The following FBXO44 variants were observed in gnomAD, a reference collection of about 807,000 sequenced individuals.
FBXO44 encodes the protein F-box only protein 44.
In FBXO44, 25 loss-of-function variants were observed where a neutral mutation model predicts 33.5. That is an observed-to-expected ratio of 0.75 (90% CI 0.54 to 1.04). The LOEUF is 1.04. Ranked by LOEUF, FBXO44 falls within the 50% of genes least tolerant of loss-of-function variation. The pLI, the probability that FBXO44 is intolerant of heterozygous loss-of-function variation, is 0.00. For missense variants in FBXO44, 311 were observed against 344.0 expected (o/e 0.90, Z 0.76); for synonymous variants, 147 against 152.8 (o/e 0.96, Z 0.28).
intron 3 of FBXO44, 54 bp from the exon 4 acceptor site, chr1:11,658,479 C>G: frequency 6.2e-7 from 1 of 1,609,174 alleles, no homozygotes; most frequent in Non-Finnish European, 8.5e-7. Flanking sequence ...AGTCCTAGCC[C>G]CTCACTGCCC....
chr1:11,654,498 C>T (rs1570227168), upstream of FBXO44: 2 of 597,294 alleles, frequency 3.3e-6, no homozygotes, highest in East Asian at 7.4e-5. Flanking sequence ...CCTCTGGCCC[C>T]GCGCCCGGCC....
At position 11,658,313 on chromosome 1, in the gene FBXO44, G is replaced by A; in HGVS notation, c.312G>A (p.Trp104Ter). 1 of 1,613,342 alleles carries A rather than the reference G, an allele frequency of 6.2e-7. No homozygotes were observed. The highest frequency in any genetic ancestry group is 8.5e-7 in the Non-Finnish European group (1 of 1,179,810). ...TGGATGTGAATGGAGGCGATGAGTGGAAGGTGGAGGATCTCTCTCGAGACC... is the reference window on the plus strand; with the variant it reads ...TGGATGTGAATGGAGGCGATGAGTGAAAGGTGGAGGATCTCTCTCGAGACC... The part of the protein sequence containing the change: ...WSLDVNGGDE[W>*]KVEDLSRDQR... Residue 104 changes from tryptophan (W) to a stop codon, truncating the protein, a stop_gained, in exon 3 of 6, where the codon TGG becomes TGA. Coordinates refer to ENST00000251547, the MANE Select transcript of FBXO44 (RefSeq NM_033182.7). LOFTEE classifies it high-confidence loss of function.
In FBXO44 at chr1:11,658,633, GTGCCTGGGGCGAGGGTCTGGGGTGGGGCA is replaced by G; in HGVS notation, c.488+10_488+38del. 6.2e-7 allele frequency: 1 copy of G among 1,613,292 alleles called. No homozygotes were observed. The highest frequency in any genetic ancestry group is 1.7e-5 in the Admixed American group (1 of 59,984). ...GGACATCGAGGTCAAGGACTGGTGAGTGCCTGGGGCGAGGGTCTGGGGTGGGGCATGCCAATCAGGCGCCCCACCCCCGC... is the reference window on the plus strand; with the variant it reads ...GGACATCGAGGTCAAGGACTGGTGAGTGCCAATCAGGCGCCCCACCCCCGC... On this transcript the variant is annotated splice_donor_region_variant and intron_variant, in intron 4 of 5. Transcript: ENST00000251547.
chr1:11,659,701 G>A (rs929623990), intron 5 of FBXO44, among the ~76,000 whole-genome samples: 2 of 152,020 alleles, frequency 1.3e-5, no homozygotes, highest in Non-Finnish European at 2.9e-5. Context: ...TTGCTTTGTT[G>A]CCCAGGCTGG....
intron 2 of FBXO44, among the ~76,000 whole-genome samples, chr1:11,657,676 G>A (rs1639896935): frequency 6.6e-6 from 1 of 152,178 alleles, no homozygotes; most frequent in African/African-American, 2.4e-5. Flanking sequence ...AGGAGGCAGA[G>A]GTTACAGTGA....
At chr1:11,659,571 C>G (rs1279615731) in intron 5 of FBXO44, among the ~76,000 whole-genome samples, 1 of 152,154 alleles carries the variant, frequency 6.6e-6, no homozygotes, top group African/African-American at 2.4e-5. Context: ...TCATAGCTCA[C>G]TGCAGACTCA....
chr1:11,662,056 G>A lies in FBXO44; in HGVS notation c.*783G>A, dbSNP rs1346478309. 6.6e-6 allele frequency: 1 copy of A among 152,256 alleles called. No individual in the cohort carries two copies. Among genetic ancestry groups the A allele is most frequent in the African/African-American group, 2.4e-5 (1 of 41,438 alleles). 9.4% of individuals were successfully genotyped at this position (152,256 alleles called of 1,614,324 possible). On this transcript the variant is annotated 3_prime_UTR_variant, in exon 6 of 6. Transcript: ENST00000251547. Reference sequence around the variant, plus strand: ...ACAGCTGGACACATGAGCCCTGGATGAGTATGGTAGGGGGTTTGAAGAATC... The same window carrying A: ...ACAGCTGGACACATGAGCCCTGGATAAGTATGGTAGGGGGTTTGAAGAATC...
chr1:11,657,953 A>T lies in FBXO44; in HGVS notation c.266-314A>T, dbSNP rs147227715. On this transcript the variant is annotated intron_variant, in intron 2 of 5. Coordinates refer to ENST00000251547, the MANE Select transcript of FBXO44 (RefSeq NM_033182.7). Reference sequence around the variant, plus strand: ...GAGGAAAAGCAACTGGTCCAAGGTCAGACAACCGAGTACTGGTAGAGCTGG... The same window carrying T: ...GAGGAAAAGCAACTGGTCCAAGGTCTGACAACCGAGTACTGGTAGAGCTGG... Among the ~76,000 whole-genome samples the T allele has an allele frequency of 9.1e-4, 139 of 152,272 alleles. 1 individual carries two copies. In the Middle Eastern group the frequency reaches 0.01, roughly 11 times the overall value.
chr1:11,660,030 A>G (rs550326587), intron 5 of FBXO44, among the ~76,000 whole-genome samples: 8 of 152,364 alleles, frequency 5.3e-5, no homozygotes, highest in Middle Eastern at 3.4e-3. Context: ...AACTTTCTGT[A>G]GTGATAGAAA....
Sources: gnomAD v4.1 joint callset for allele counts (sites outside exome capture counted in the v4.1 genomes callset) on GRCh38, gnomAD v4.1.1 for gene constraint, MANE v1.5 for transcripts, NCBI Gene and HGNC (gene_info 2026-07-23, HGNC 2026-07-21) for gene names.